PRH1: variants seen among roughly 807,000 people sequenced by gnomAD.
PRH1 encodes the protein proline rich protein HaeIII subfamily 1.
In PRH1, 7 loss-of-function variants were observed where a neutral mutation model predicts 7.9. The ratio of observed to expected loss-of-function variants is 0.89; its 90% CI spans 0.50 to 1.67. PRH1 has a LOEUF of 1.67. PRH1 is among the 40% of genes most tolerant of loss of function. PRH1 has a pLI of 0.00. For synonymous variants in PRH1, 45 were observed against 80.8 expected (o/e 0.56, Z 2.38); for missense variants, 109 against 223.6 (o/e 0.49, Z 3.27).
chr12:10,951,271 G>T (rs1950565823), intron 2 of PRH1, among the ~76,000 whole-genome samples: 1 of 152,012 alleles, frequency 6.6e-6, no homozygotes, highest in Non-Finnish European at 1.5e-5. Context: ...CATAATTTGT[G>T]TTCAGCAACA....
At chr12:10,887,323 T>C (rs1243409910), upstream of PRH1, among the ~76,000 whole-genome samples, 2 of 152,192 alleles carry the variant, frequency 1.3e-5, no homozygotes, top group Admixed American at 1.3e-4. Context: ...AATTATTCTA[T>C]TAATTGCACC....
intron 1 of PRH1, among the ~76,000 whole-genome samples, chr12:11,088,761 C>A (rs1220177779): frequency 8.7e-6 from 1 of 115,562 alleles, no homozygotes; most frequent in Non-Finnish European, 2.0e-5. Context: ...CTGCTCCAAG[C>A]TGCTCTGGCC....
intron 2 of PRH1, among the ~76,000 whole-genome samples, chr12:10,958,830 A>G (rs1938099635): frequency 6.6e-6 from 1 of 152,168 alleles, no homozygotes; most frequent in African/African-American, 2.4e-5. Context: ...AGATCATTCA[A>G]ATGATTATAA....
chr12:10,908,361 G>C, intron 2 of PRH1: 1 of 1,590,234 alleles, frequency 6.3e-7, no homozygotes, highest in Non-Finnish European at 8.6e-7. Flanking sequence ...TCTGTGGTCT[G>C]AATGGCTTAT....
intron 1 of PRH1, among the ~76,000 whole-genome samples, chr12:11,170,954 C>CA (rs767775671): frequency 4.6e-5 from 7 of 152,268 alleles, no homozygotes; most frequent in Non-Finnish European, 7.3e-5. Context: ...TAACATCCCA[C>CA]ATAACACAGC....
At chr12:10,903,637 C>T (rs1443633916) in intron 2 of PRH1, among the ~76,000 whole-genome samples, 2 of 151,876 alleles carry the variant, frequency 1.3e-5, no homozygotes, top group Non-Finnish European at 2.9e-5. Flanking sequence ...GTCCCCACTC[C>T]CATCACTCCT....
At chr12:11,028,195 G>T (rs768314277) in intron 1 of PRH1, among the ~76,000 whole-genome samples, 1 of 152,228 alleles carries the variant, frequency 6.6e-6, no homozygotes, top group Non-Finnish European at 1.5e-5. Flanking sequence ...GATGATGTAA[G>T]ACAGAACAGC....
At chr12:11,059,843 G>C (rs1327474456) in intron 1 of PRH1, among the ~76,000 whole-genome samples, 2 of 141,946 alleles carry the variant, frequency 1.4e-5, no homozygotes, top group East Asian at 4.1e-4. Context: ...TACCACATCA[G>C]CTTACCCATT....
chr12:11,105,631 G>A (rs936846846), intron 1 of PRH1, among the ~76,000 whole-genome samples: 1 of 152,174 alleles, frequency 6.6e-6, no homozygotes, highest in Non-Finnish European at 1.5e-5. Flanking sequence ...CCAATGAAGA[G>A]TTTTTTAATT....
chr12:11,148,838 T>C (rs1343087024), intron 1 of PRH1, among the ~76,000 whole-genome samples: 1 of 128,540 alleles, frequency 7.8e-6, no homozygotes, highest in African/African-American at 2.7e-5. Flanking sequence ...TTTCTATTGA[T>C]TGGAATAGTT....
rs190813936 is a variant in PRH1 at position 10,922,037 on chromosome 12, G to A, written c.-58-37762C>T. Among the ~76,000 whole-genome samples, 160 of 152,106 alleles carry A rather than the reference G, an allele frequency of 1.1e-3. 1 individual carries two copies. The Middle Eastern group carries it at 0.031, about 29-fold the overall frequency. ...CACCTGTCTTGACCTCCCAATGTTCGGGGATTACAGGCAGGTGCCACAGCA... is the reference window on the plus strand; with the variant it reads ...CACCTGTCTTGACCTCCCAATGTTCAGGGATTACAGGCAGGTGCCACAGCA... On this transcript the variant is annotated intron_variant, in intron 2 of 3. Coordinates refer to the PRH1 transcript ENST00000539853.
upstream of PRH1, among the ~76,000 whole-genome samples, chr12:11,049,837 C>T (rs999205412): frequency 1.3e-5 from 2 of 152,198 alleles, no homozygotes; most frequent in Admixed American, 1.3e-4. Context: ...GAGGCCAATA[C>T]ACCTTAAAAT....
At chr12:11,047,007 T>G in intron 1 of PRH1, 1 of 502,642 alleles carries the variant, frequency 2.0e-6, no homozygotes, top group Non-Finnish European at 4.1e-6. Flanking sequence ...CACGTCTAAG[T>G]GCTTTGACTC....
intron 1 of PRH1, among the ~76,000 whole-genome samples, chr12:11,147,215 T>G (rs1448118144): frequency 6.6e-6 from 1 of 152,146 alleles, no homozygotes; most frequent in East Asian, 1.9e-4. Flanking sequence ...TTTGAAACAA[T>G]GTCTCACTCC....
chr12:11,117,788 T>C (rs931067351), downstream of PRH1, among the ~76,000 whole-genome samples: 2 of 152,168 alleles, frequency 1.3e-5, no homozygotes, highest in Non-Finnish European at 2.9e-5. Context: ...AACTCATTTT[T>C]GAAAAAGATG....
At chr12:10,997,422 T>G in intron 1 of PRH1, 1 of 1,614,050 alleles carries the variant, frequency 6.2e-7, no homozygotes, top group Middle Eastern at 1.6e-4. Context: ...GTCCACACAT[T>G]TATATACGTG....
intron 1 of PRH1, among the ~76,000 whole-genome samples, chr12:11,059,535 A>G (rs1336037848): frequency 6.6e-6 from 1 of 152,244 alleles, no homozygotes; most frequent in Non-Finnish European, 1.5e-5. Context: ...ATACAAATAT[A>G]TAATTCACAA....
At chr12:11,036,256 T>C (rs924144867) in intron 1 of PRH1, among the ~76,000 whole-genome samples, 1 of 152,204 alleles carries the variant, frequency 6.6e-6, no homozygotes, top group Non-Finnish European at 1.5e-5. Context: ...AAAGATCAAA[T>C]AGTAAAACAG....
intron 1 of PRH1, among the ~76,000 whole-genome samples, chr12:11,148,234 CA>C (rs1946933964): frequency 6.6e-6 from 1 of 150,392 alleles, no homozygotes; most frequent in Non-Finnish European, 1.5e-5. Flanking sequence ...CGTCTGCAAA[CA>C]GGGACAATTT....
Sources: allele counts gnomAD v4.1 joint callset (sites outside exome capture counted in the v4.1 genomes callset), GRCh38; gene constraint gnomAD v4.1.1; transcripts MANE v1.5; gene names NCBI Gene and HGNC (gene_info 2026-07-23, HGNC 2026-07-21).